Variants in POU2F1 observed in about 807,000 individuals in gnomAD.
The protein encoded by POU2F1 is POU class 2 homeobox 1.
Under a neutral mutation model 84.9 loss-of-function variants are expected in POU2F1, and 16 were observed. The observed-to-expected ratio is 0.19, with a 90% confidence interval of 0.13 to 0.29. The LOEUF (loss-of-function observed/expected upper bound fraction) is 0.29, where lower values mean the gene tolerates loss of function less well. Among genes scored for constraint, POU2F1 ranks in the 10% least tolerant of loss-of-function variants. POU2F1 has a pLI of 1.00. For synonymous variants in POU2F1, 368 were observed against 368.3 expected (o/e 1.00, Z 0.01); for missense variants, 738 against 942.6 (o/e 0.78, Z 2.84).
At chr1:167,375,029 T>TAA (rs879295202) in intron 6 of POU2F1, among the ~76,000 whole-genome samples, 4 of 133,928 alleles carry the variant, frequency 3.0e-5, no homozygotes, top group Non-Finnish European at 3.2e-5. Context: ...ATCGCGCCAC[T>TAA]AAAAAAAAAA....
intron 2 of POU2F1, among the ~76,000 whole-genome samples, chr1:167,342,088 G>A (rs1346353842): frequency 6.6e-6 from 1 of 152,108 alleles, no homozygotes; most frequent in Non-Finnish European, 1.5e-5. Context: ...CCACGATAGT[G>A]GGGTATGGCA....
intron 4 of POU2F1, among the ~76,000 whole-genome samples, chr1:167,370,489 A>G (rs1659940298): frequency 6.6e-6 from 1 of 152,228 alleles, no homozygotes; most frequent in South Asian, 2.1e-4. Flanking sequence ...TTATACTGCT[A>G]TAACACATAC....
At chr1:167,341,428 TGATA>T (rs1370182989) in intron 2 of POU2F1, among the ~76,000 whole-genome samples, 1 of 152,208 alleles carries the variant, frequency 6.6e-6, no homozygotes, top group Non-Finnish European at 1.5e-5. Flanking sequence ...ATCTGAATTA[TGATA>T]GATAGATCCA....
intron 8 of POU2F1, among the ~76,000 whole-genome samples, chr1:167,385,612 A>T (rs1481239962): frequency 7.9e-5 from 12 of 152,300 alleles, no homozygotes; most frequent in East Asian, 1.9e-4. Context: ...GAAAAAAAAT[A>T]AAAAACCTTG....
At chr1:167,311,053 C>T (rs1479188086) in intron 1 of POU2F1, among the ~76,000 whole-genome samples, 2 of 152,048 alleles carry the variant, frequency 1.3e-5, no homozygotes, top group African/African-American at 4.8e-5. Flanking sequence ...GAGGGTAGGG[C>T]TGAAAAGTAC....
At chr1:167,236,565 T>C (rs1032745075) in intron 1 of POU2F1, among the ~76,000 whole-genome samples, 4 of 152,220 alleles carry the variant, frequency 2.6e-5, no homozygotes, top group African/African-American at 9.6e-5. Flanking sequence ...TTCTTAAATA[T>C]TCTCTTTCGA....
chr1:167,413,162 AGTGTGTGTGTGT>A (rs59744507), intron 15 of POU2F1, 48 bp downstream of exon 15: 1 of 1,030,602 alleles, frequency 9.7e-7, no homozygotes, highest in Non-Finnish European at 1.5e-6. Flanking sequence ...CGTGTGTGTG[AGTGTGTGTGTGT>A]GTGTGTGTGT....
intron 2 of POU2F1, among the ~76,000 whole-genome samples, chr1:167,356,163 C>CTTTTCTTTTTTT (rs1350081640): frequency 7.7e-6 from 1 of 129,852 alleles, no homozygotes; most frequent in Admixed American, 7.8e-5. Context: ...TTTTCTTTTT[C>CTTTTCTTTTTTT]TTTTTTTTTT....
chr1:167,290,413 C>T lies in POU2F1; in HGVS notation c.62-42057C>T, dbSNP rs181145780. Among the ~76,000 whole-genome samples the T allele has an allele frequency of 2.0e-5, 3 of 152,264 alleles. No homozygotes were observed. The East Asian group carries it at 5.8e-4, about 29-fold the overall frequency. On this transcript the variant is annotated intron_variant, in intron 1 of 15. Transcript: ENST00000367866. ...CCCTGTCTCAAAAAAAAGTGTAGCA[C>T]GAAAACCACATGTTCTCTTTTGTGT...
Position 167,399,343 on chromosome 1 carries a change from T to C in POU2F1, c.1427T>C (p.Ile476Thr). ...GGTSSSPIKAIFPSPTSLVAT... is the reference protein window; with the variant it reads ...GGTSSSPIKATFPSPTSLVAT... The stretch of plus-strand genomic sequence containing the variant: ...ACCAGCAGCTCACCTATTAAAGCAA[T>C]TTTCCCCAGCCCAACTTCACTGGTA... The change falls in exon 12 of 16, where the codon ATT becomes ACT. Residue 476 changes from isoleucine to threonine, a missense_variant. Coordinates refer to ENST00000367866, the MANE Select transcript of POU2F1 (RefSeq NM_002697.4). 1 of 1,612,954 alleles carries C rather than the reference T, an allele frequency of 6.2e-7. No individual in the cohort carries two copies. Among genetic ancestry groups the C allele is most frequent in the Non-Finnish European group, 8.5e-7 (1 of 1,179,476 alleles).
intron 1 of POU2F1, among the ~76,000 whole-genome samples, chr1:167,222,081 G>GGGCCTCTCGCTCCGA (rs1438312519): frequency 2.0e-5 from 3 of 152,114 alleles, no homozygotes; most frequent in African/African-American, 7.2e-5. Context: ...TGGCCCTCCG[G>GGGCCTCTCGCTCCGA]GGCCTCTCGC....
intron 1 of POU2F1, among the ~76,000 whole-genome samples, chr1:167,290,267 T>A (rs942936468): frequency 2.6e-5 from 4 of 151,994 alleles, no homozygotes; most frequent in Admixed American, 2.6e-4. Flanking sequence ...GGTGGTGGTG[T>A]GCGCCTATAG....
Position 167,376,098 on chromosome 1 carries a change from A to G in POU2F1, c.661A>G (p.Thr221Ala). ...NLQQFVLVHPTTNLQPAQFII... is the reference protein window; with the variant it reads ...NLQQFVLVHPATNLQPAQFII... ...GCAACAGTTTGTGTTGGTGCATCCAACCACCAATTTGCAGCCAGCGCAGTT... is the reference window on the plus strand; with the variant it reads ...GCAACAGTTTGTGTTGGTGCATCCAGCCACCAATTTGCAGCCAGCGCAGTT... Residue 221 changes from threonine to alanine, a missense_variant, in exon 7 of 16, where the codon ACC (threonine) becomes GCC (alanine). Thr to Ala is a moderately conservative substitution (Grantham distance 58). Transcript: ENST00000367866. The G allele has an allele frequency of 6.2e-7, 1 of 1,614,186 alleles. No homozygotes were observed. Among genetic ancestry groups the G allele is most frequent in the South Asian group, 1.1e-5 (1 of 91,080 alleles).
chr1:167,376,276 A>G, intron 7 of POU2F1, 121 bp downstream of exon 7: 1 of 1,176,880 alleles, frequency 8.5e-7, no homozygotes, highest in East Asian at 3.0e-5. Context: ...ATTAAATTTT[A>G]TTTGATTATA....
At chr1:167,334,879 A>G (rs1010763165) in intron 2 of POU2F1, among the ~76,000 whole-genome samples, 1 of 152,250 alleles carries the variant, frequency 6.6e-6, no homozygotes, top group Non-Finnish European at 1.5e-5. Flanking sequence ...AACGCTTAAC[A>G]TTATAGTAAA....
chr1:167,267,630 C>CTTTTTTTTTTTTTTTTTTTTTT (rs71073658), intron 1 of POU2F1, among the ~76,000 whole-genome samples: 1 of 70,464 alleles, frequency 1.4e-5, no homozygotes, highest in African/African-American at 5.5e-5. Flanking sequence ...GTTACTGTGT[C>CTTTTTTTTTTTTTTTTTTTTTT]TTTTTTTTTT....
chr1:167,259,917 C>T (rs531324651), intron 1 of POU2F1, among the ~76,000 whole-genome samples: 2 of 151,234 alleles, frequency 1.3e-5, no homozygotes, highest in South Asian at 2.1e-4. Flanking sequence ...CTCGCTCTGT[C>T]GCCCAGGCTG....
At chr1:167,297,057 T>C (rs1204958347) in intron 1 of POU2F1, among the ~76,000 whole-genome samples, 1 of 152,184 alleles carries the variant, frequency 6.6e-6, no homozygotes, top group Non-Finnish European at 1.5e-5. Flanking sequence ...TTAAAAACCA[T>C]AATTTAATAT....
At chr1:167,324,565 A>G (rs1325786489) in intron 1 of POU2F1, among the ~76,000 whole-genome samples, 4 of 152,174 alleles carry the variant, frequency 2.6e-5, no homozygotes, top group South Asian at 2.1e-4. Flanking sequence ...CAGCCAACCA[A>G]CTACTGATCT....
Sources: gnomAD v4.1 joint callset for allele counts (sites outside exome capture counted in the v4.1 genomes callset) on GRCh38, gnomAD v4.1.1 for gene constraint, MANE v1.5 for transcripts, NCBI Gene and HGNC (gene_info 2026-07-23, HGNC 2026-07-21) for gene names.